ASAP1: variants seen among roughly 807,000 people sequenced by gnomAD.
ASAP1 encodes arf-GAP with SH3 domain, ANK repeat and PH domain-containing protein 1.
ASAP1 carries 43 observed loss-of-function variants against 145.2 expected under a neutral mutation model. That is an observed-to-expected ratio of 0.30 (90% CI 0.23 to 0.38). ASAP1 has a LOEUF of 0.38. Ranked by LOEUF, ASAP1 falls within the 10% of genes least tolerant of loss-of-function variation. ASAP1 has a pLI of 1.00. For synonymous variants in ASAP1, 546 were observed against 515.5 expected (o/e 1.06, Z -0.80); for missense variants, 1,018 against 1,355.3 (o/e 0.75, Z 3.91).
intron 1 of ASAP1, among the ~76,000 whole-genome samples, chr8:130,410,653 T>C (rs1266548637): frequency 1.3e-5 from 2 of 152,198 alleles, no homozygotes; most frequent in Non-Finnish European, 2.9e-5. Context: ...TTTCAAACAA[T>C]CTTGAATTCA....
intron 24 of ASAP1, among the ~76,000 whole-genome samples, chr8:130,107,570 T>C (rs1472561007): frequency 1.4e-5 from 2 of 146,926 alleles, no homozygotes; most frequent in Non-Finnish European, 3.0e-5. Context: ...ATTTTTGAGA[T>C]AGAGTCTCAT....
intron 4 of ASAP1, among the ~76,000 whole-genome samples, chr8:130,235,188 G>A (rs1240684170): frequency 1.3e-5 from 2 of 152,146 alleles, no homozygotes; most frequent in South Asian, 2.1e-4. Flanking sequence ...AAAGGGGTGT[G>A]TAGTAGTCTA....
At chr8:130,185,678 G>A (rs1814665984) in intron 7 of ASAP1, among the ~76,000 whole-genome samples, 1 of 139,114 alleles carries the variant, frequency 7.2e-6, no homozygotes, top group African/African-American at 2.8e-5. Context: ...GCAGTGAGAC[G>A]AGATTGAGCC....
intron 12 of ASAP1, among the ~76,000 whole-genome samples, chr8:130,157,897 C>T (rs975704777): frequency 2.0e-5 from 3 of 152,154 alleles, no homozygotes; most frequent in African/African-American, 2.4e-5. Flanking sequence ...ACCATCTGAT[C>T]TACCATATAT....
chr8:130,094,330 C>T (rs575390399), intron 24 of ASAP1, among the ~76,000 whole-genome samples: 2 of 152,180 alleles, frequency 1.3e-5, no homozygotes, highest in African/African-American at 4.8e-5. Context: ...CCCTCCTCAG[C>T]CTCCTGAGTA....
At chr8:130,211,284 T>C (rs1816565352) in intron 5 of ASAP1, among the ~76,000 whole-genome samples, 1 of 152,226 alleles carries the variant, frequency 6.6e-6, no homozygotes, top group African/African-American at 2.4e-5. Context: ...GCAATCCTTT[T>C]CGCAGTCCTC....
At chr8:130,351,038 T>C (rs1306462300) in intron 3 of ASAP1, among the ~76,000 whole-genome samples, 1 of 152,192 alleles carries the variant, frequency 6.6e-6, no homozygotes, top group East Asian at 1.9e-4. Flanking sequence ...AAGGCAGAGA[T>C]TTACTGAGGG....
intron 3 of ASAP1, among the ~76,000 whole-genome samples, chr8:130,270,773 GA>G (rs1483788434): frequency 4.6e-5 from 7 of 152,184 alleles, no homozygotes; most frequent in African/African-American, 1.7e-4. Flanking sequence ...ACAGTCCTTA[GA>G]AAAGAGTTAC....
chr8:130,432,011 G>A (rs560650187), intron 1 of ASAP1, among the ~76,000 whole-genome samples: 1 of 115,092 alleles, frequency 8.7e-6, no homozygotes, highest in Admixed American at 9.0e-5. Flanking sequence ...AGGAGAAAGG[G>A]GAAAATGGGG....
At chr8:130,118,279 A>C (rs2097559656) in intron 19 of ASAP1, 33 bp from the exon 20 acceptor site, 1 of 1,600,164 alleles carries the variant, frequency 6.2e-7, no homozygotes, top group East Asian at 2.2e-5. Flanking sequence ...AAGTAAGTCA[A>C]TAATATGCTC....
chr8:130,313,094 A>G (rs1452323575), intron 3 of ASAP1, among the ~76,000 whole-genome samples: 1 of 152,250 alleles, frequency 6.6e-6, no homozygotes, highest in Non-Finnish European at 1.5e-5. Context: ...AATCATAAGT[A>G]CATTTTCACA....
At chr8:130,099,486 A>T (rs1379839925) in intron 24 of ASAP1, among the ~76,000 whole-genome samples, 1 of 151,940 alleles carries the variant, frequency 6.6e-6, no homozygotes, top group Admixed American at 6.6e-5. Flanking sequence ...GGCCAGGCCC[A>T]GCTAATTTTT....
At chr8:130,388,457 G>A (rs1427028719) in intron 2 of ASAP1, among the ~76,000 whole-genome samples, 2 of 152,174 alleles carry the variant, frequency 1.3e-5, no homozygotes, top group Non-Finnish European at 2.9e-5. Flanking sequence ...CTTCCAAATG[G>A]GGATATTAAT....
At chr8:130,387,239 T>G (rs1041334996) in intron 2 of ASAP1, among the ~76,000 whole-genome samples, 1 of 152,086 alleles carries the variant, frequency 6.6e-6, no homozygotes, top group Non-Finnish European at 1.5e-5. Flanking sequence ...CAAGGCCCAT[T>G]AAAAAACCCA....
At chr8:130,144,428 G>C (rs1348835736) in intron 13 of ASAP1, among the ~76,000 whole-genome samples, 1 of 152,182 alleles carries the variant, frequency 6.6e-6, no homozygotes, top group Admixed American at 6.5e-5. Flanking sequence ...GATCAGGAAG[G>C]TGAAGTAAAC....
intron 5 of ASAP1, among the ~76,000 whole-genome samples, chr8:130,213,634 C>T (rs1181305348): frequency 1.3e-5 from 2 of 152,170 alleles, no homozygotes; most frequent in Admixed American, 1.3e-4. Context: ...CTCCTCTTCT[C>T]CAGGGCAGGG....
At chr8:130,118,848 AATAAT>A (rs2097560722) in intron 18 of ASAP1, 173 bp from the exon 19 acceptor site, 1 of 411,532 alleles carries the variant, frequency 2.4e-6, no homozygotes, top group African/African-American at 2.0e-5. Context: ...GAATAAAGAA[AATAAT>A]ATATGTTTAC....
chr8:130,400,420 G>A (rs1828732981), intron 2 of ASAP1, among the ~76,000 whole-genome samples: 1 of 151,744 alleles, frequency 6.6e-6, no homozygotes, highest in Non-Finnish European at 1.5e-5. Flanking sequence ...CCTACACCAG[G>A]CCTCAGTATT....
At chr8:130,410,323 A>G (rs1379697159) in intron 1 of ASAP1, among the ~76,000 whole-genome samples, 1 of 152,236 alleles carries the variant, frequency 6.6e-6, no homozygotes, top group African/African-American at 2.4e-5. Context: ...CATTTTAAAA[A>G]GTTACATCCT....
Sources: gnomAD v4.1 joint callset for allele counts (sites outside exome capture counted in the v4.1 genomes callset) on GRCh38, gnomAD v4.1.1 for gene constraint, MANE v1.5 for transcripts, NCBI Gene and HGNC (gene_info 2026-07-23, HGNC 2026-07-21) for gene names.